The following CNTN5 variants were observed in gnomAD, a reference collection of about 807,000 sequenced individuals.
CNTN5 encodes contactin 5, also known as contactin-5.
Under a neutral mutation model 129.1 loss-of-function variants are expected in CNTN5, and 77 were observed. The observed-to-expected ratio is 0.60, with a 90% confidence interval of 0.50 to 0.72. The LOEUF (loss-of-function observed/expected upper bound fraction) is 0.72, where lower values mean the gene tolerates loss of function less well. Ranked by LOEUF, CNTN5 falls within the 30% of genes least tolerant of loss-of-function variation. CNTN5 has a pLI of 0.00. For synonymous variants in CNTN5, 509 were observed against 465.6 expected (o/e 1.09, Z -1.20); for missense variants, 1,478 against 1,328.8 (o/e 1.11, Z -1.75).
At chr11:99,601,291 T>A (rs1950304800) in intron 3 of CNTN5, among the ~76,000 whole-genome samples, 1 of 152,216 alleles carries the variant, frequency 6.6e-6, no homozygotes. Context: ...TTCTGAGGGT[T>A]CTGTCTTCCC....
chr11:99,348,056 A>G (rs1279605717), intron 2 of CNTN5, among the ~76,000 whole-genome samples: 1 of 152,200 alleles, frequency 6.6e-6, no homozygotes, highest in Non-Finnish European at 1.5e-5. Flanking sequence ...TTAGATTACT[A>G]ACAAATTAAA....
At chr11:100,286,337 T>A (rs1165886620) in intron 18 of CNTN5, among the ~76,000 whole-genome samples, 1 of 152,074 alleles carries the variant, frequency 6.6e-6, no homozygotes. Context: ...CAGGAACCTC[T>A]GCAGACTTAA....
intron 2 of CNTN5, among the ~76,000 whole-genome samples, chr11:99,340,551 A>G (rs777762010): frequency 5.3e-5 from 8 of 152,186 alleles, no homozygotes; most frequent in Non-Finnish European, 1.2e-4. Context: ...AAAAGCTGCT[A>G]TTGGTTAGAT....
rs144727256 is a variant in CNTN5 at position 99,088,861 on chromosome 11, C to A, written c.-210+67591C>A. On this transcript the variant is annotated intron_variant, in intron 1 of 24. Transcript: ENST00000524871. ...TAAATTTTTGCTTAAGTAAGGAAATCAATGTTTATCAATTCTCTACTCAAT... is the reference window on the plus strand; with the variant it reads ...TAAATTTTTGCTTAAGTAAGGAAATAAATGTTTATCAATTCTCTACTCAAT... Among the ~76,000 whole-genome samples the A allele has an allele frequency of 1.4e-3, 219 of 152,208 alleles. 1 individual carries two copies. The highest frequency in any genetic ancestry group is 5.0e-3 in the African/African-American group (209 of 41,540).
Position 99,129,631 on chromosome 11 carries a change from C to T in CNTN5, c.-210+108361C>T, listed in dbSNP as rs571171874. Among the ~76,000 whole-genome samples, 23 of 152,144 alleles carry T rather than the reference C, an allele frequency of 1.5e-4. 1 individual carries two copies. The South Asian group carries it at 3.7e-3, about 25-fold the overall frequency. On this transcript the variant is annotated intron_variant, in intron 1 of 24. Coordinates refer to ENST00000524871, the MANE Select transcript of CNTN5 (RefSeq NM_014361.4). The stretch of plus-strand genomic sequence containing the variant: ...CAGAGAAACCCAGTAAGATATTCCA[C>T]GAGAAGATCTACTGCAAGACACATA...
chr11:99,936,072 A>G lies in CNTN5; in HGVS notation c.673+19923A>G, dbSNP rs190552547. Among the ~76,000 whole-genome samples the G allele has an allele frequency of 1.6e-4, 24 of 152,304 alleles. No individual in the cohort carries two copies. The East Asian group carries it at 3.9e-3, about 25-fold the overall frequency. On this transcript the variant is annotated intron_variant, in intron 7 of 24. Coordinates refer to ENST00000524871, the MANE Select transcript of CNTN5 (RefSeq NM_014361.4). ...TATCCCTTCCATCAAATCTATTTCA[A>G]GAAAGACACTTTGCAAAGCAGAAGG...
chr11:99,169,934 T>A (rs574197372), intron 1 of CNTN5, among the ~76,000 whole-genome samples: 1 of 152,224 alleles, frequency 6.6e-6, no homozygotes, highest in Non-Finnish European at 1.5e-5. Flanking sequence ...TTACATAATT[T>A]TTCAATAAAG....
At position 99,912,808 on chromosome 11, in the gene CNTN5, A is replaced by G. The variant is rs148512788; in HGVS notation, c.578-3246A>G. ...GTCTAGGGCCCTGTGACTTTTGATC[A>G]CAAAATTTCTCATCTTGTTTCTTAA... On this transcript the variant is annotated intron_variant, in intron 6 of 24. Coordinates refer to ENST00000524871, the MANE Select transcript of CNTN5 (RefSeq NM_014361.4). Among the ~76,000 whole-genome samples, 10 of 152,206 alleles carry G rather than the reference A, an allele frequency of 6.6e-5. 1 individual carries two copies. In the East Asian group the frequency reaches 1.4e-3, roughly 21 times the overall value.
At chr11:99,749,107 TTATCCAC>T (rs936426060) in intron 3 of CNTN5, among the ~76,000 whole-genome samples, 2 of 144,212 alleles carry the variant, frequency 1.4e-5, no homozygotes, top group African/African-American at 5.0e-5. Context: ...AAACTACAGA[TTATCCAC>T]ATGGGTGGCT....
intron 1 of CNTN5, among the ~76,000 whole-genome samples, chr11:99,186,874 G>C (rs1803261099): frequency 6.6e-6 from 1 of 151,936 alleles, no homozygotes; most frequent in African/African-American, 2.4e-5. Context: ...TGCCCTTGTT[G>C]ATCTTCCTTG....
chr11:100,274,541 C>T (rs1035285293), intron 18 of CNTN5, among the ~76,000 whole-genome samples: 1 of 152,066 alleles, frequency 6.6e-6, no homozygotes, highest in Non-Finnish European at 1.5e-5. Flanking sequence ...AAACAAACAG[C>T]CCCATTAAAA....
intron 3 of CNTN5, among the ~76,000 whole-genome samples, chr11:99,633,317 G>T (rs1951432738): frequency 1.3e-5 from 2 of 152,102 alleles, no homozygotes; most frequent in African/African-American, 4.8e-5. Flanking sequence ...TGCCTGCATT[G>T]TATAGTAATG....
At chr11:99,707,552 G>C (rs1954808875) in intron 3 of CNTN5, among the ~76,000 whole-genome samples, 1 of 151,582 alleles carries the variant, frequency 6.6e-6, no homozygotes, top group South Asian at 2.1e-4. Flanking sequence ...CTAGGTCTTA[G>C]CCCAGGCTCT....
chr11:99,793,148 C>G (rs942274635), intron 3 of CNTN5, among the ~76,000 whole-genome samples: 2 of 152,036 alleles, frequency 1.3e-5, no homozygotes, highest in African/African-American at 4.8e-5. Context: ...CAACCTCTTC[C>G]TCCCAGGTTC....
intron 17 of CNTN5, among the ~76,000 whole-genome samples, chr11:100,269,231 G>A (rs1950364222): frequency 6.6e-6 from 1 of 152,152 alleles, no homozygotes; most frequent in Admixed American, 6.5e-5. Flanking sequence ...CTGGCCTTAA[G>A]GTTTCAGTAA....
At chr11:99,344,075 T>G (rs1406996182) in intron 2 of CNTN5, among the ~76,000 whole-genome samples, 2 of 152,230 alleles carry the variant, frequency 1.3e-5, no homozygotes, top group Non-Finnish European at 2.9e-5. Flanking sequence ...AATTGTTTTG[T>G]GACTAAGCAC....
intron 21 of CNTN5, among the ~76,000 whole-genome samples, chr11:100,322,439 G>C (rs1045953346): frequency 6.6e-6 from 1 of 152,044 alleles, no homozygotes; most frequent in Non-Finnish European, 1.5e-5. Context: ...AGCCAGGATG[G>C]TCTCGATCTC....
Position 100,225,769 on chromosome 11 carries a change from T to TAA in CNTN5, c.2005+961_2005+962dup, listed in dbSNP as rs144030847. Among the ~76,000 whole-genome samples the TAA allele has an allele frequency of 4.3e-3, 650 of 152,226 alleles. 16 individuals are homozygous for TAA. In the East Asian group the frequency reaches 0.057, roughly 13 times the overall value. ...AGATCCCTTGTATGGTCTGTACAGATAAAAACATTATCATCTATAGCAAGA... is the reference window on the plus strand; with the variant it reads ...AGATCCCTTGTATGGTCTGTACAGATAAAAAAACATTATCATCTATAGCAAGA... On this transcript the variant is annotated intron_variant, in intron 16 of 24. Transcript: ENST00000524871.
intron 3 of CNTN5, among the ~76,000 whole-genome samples, chr11:99,794,180 CTTTT>C (rs34449350): frequency 2.1e-5 from 3 of 141,686 alleles, no homozygotes; most frequent in African/African-American, 2.6e-5. Context: ...CCTTCTTTGT[CTTTT>C]TTTTTTTTTT....
Sources: gnomAD v4.1 joint callset for allele counts (sites outside exome capture counted in the v4.1 genomes callset) on GRCh38, gnomAD v4.1.1 for gene constraint, MANE v1.5 for transcripts, NCBI Gene and HGNC (gene_info 2026-07-23, HGNC 2026-07-21) for gene names.